Variants in COBL observed in about 807,000 individuals in gnomAD.
COBL encodes protein cordon-bleu.
In COBL, 51 loss-of-function variants were observed where a neutral mutation model predicts 98.8. The observed-to-expected ratio is 0.52, with a 90% CI of 0.41 to 0.65. The LOEUF (loss-of-function observed/expected upper bound fraction) is 0.65. COBL is among the 30% of genes least tolerant of loss of function. The pLI is 0.00. For missense variants in COBL, 1,617 were observed against 1,617.5 expected, an observed-to-expected ratio of 1.00 and a Z score of 0.01; for synonymous variants, 634 against 651.7, an observed-to-expected ratio of 0.97 and a Z score of 0.41.
chr7:51,279,083 G>C (rs921347231), intron 1 of COBL, among the ~76,000 whole-genome samples: 5 of 152,250 alleles, frequency 3.3e-5, no homozygotes, highest in Non-Finnish European at 7.3e-5. Context: ...TGCACTGACA[G>C]TGAATAATCC....
intron 6 of COBL, among the ~76,000 whole-genome samples, chr7:51,121,061 G>A (rs754047668): frequency 3.3e-5 from 5 of 152,120 alleles, no homozygotes; most frequent in Admixed American, 1.3e-4. Flanking sequence ...ATCCTATGGG[G>A]AATTCTATTT....
intron 1 of COBL, among the ~76,000 whole-genome samples, chr7:51,312,151 G>A (rs569282281): frequency 5.6e-4 from 85 of 151,406 alleles, no homozygotes; most frequent in African/African-American, 1.9e-3. Flanking sequence ...GTGAAACCTC[G>A]TCTCTATTAA....
chr7:51,082,322 T>C (rs1034542705), intron 7 of COBL, among the ~76,000 whole-genome samples: 1 of 152,112 alleles, frequency 6.6e-6, no homozygotes, highest in Non-Finnish European at 1.5e-5. Flanking sequence ...AGCTGAGACA[T>C]ACTGAAGCGG....
intron 2 of COBL, among the ~76,000 whole-genome samples, chr7:51,214,399 T>C (rs1792815341): frequency 2.0e-5 from 3 of 152,236 alleles, no homozygotes; most frequent in Admixed American, 2.0e-4. Flanking sequence ...CCAGTTACCC[T>C]GTCCAGATGG....
At chr7:51,094,667 A>T (rs1168401059) in intron 6 of COBL, among the ~76,000 whole-genome samples, 1 of 152,178 alleles carries the variant, frequency 6.6e-6, no homozygotes, top group Non-Finnish European at 1.5e-5. Flanking sequence ...ACATGAAAGC[A>T]TATGAATATA....
chr7:51,308,538 T>C (rs1318992756), intron 1 of COBL, among the ~76,000 whole-genome samples: 1 of 152,178 alleles, frequency 6.6e-6, no homozygotes, highest in Admixed American at 6.5e-5. Flanking sequence ...AGTTAATCCA[T>C]TTGGTATTTC....
chr7:51,189,143 C>T (rs1312753368), intron 4 of COBL, among the ~76,000 whole-genome samples: 3 of 152,116 alleles, frequency 2.0e-5, no homozygotes, highest in Admixed American at 2.0e-4. Flanking sequence ...ATGCATTATT[C>T]TCAAATGTCA....
At chr7:51,295,400 C>T (rs1801333233) in intron 1 of COBL, among the ~76,000 whole-genome samples, 1 of 151,408 alleles carries the variant, frequency 6.6e-6, no homozygotes, top group Admixed American at 6.6e-5. Context: ...GAAATTAGGG[C>T]AAAAAAATAA....
intron 6 of COBL, among the ~76,000 whole-genome samples, chr7:51,086,549 C>A (rs888152903): frequency 4.0e-5 from 6 of 151,742 alleles, no homozygotes; most frequent in African/African-American, 1.2e-4. Context: ...GACCTTGGTG[C>A]TCTCTGGTTT....
At chr7:51,034,122 C>A in intron 8 of COBL, 1 of 152,956 alleles carries the variant, frequency 6.5e-6, no homozygotes, top group Non-Finnish European at 1.5e-5. Context: ...ACTTGGCACT[C>A]TATAGAGGTT....
chr7:51,131,873 T>C (rs1380308359), intron 6 of COBL, among the ~76,000 whole-genome samples: 1 of 152,214 alleles, frequency 6.6e-6, no homozygotes, highest in Non-Finnish European at 1.5e-5. Flanking sequence ...ATTACAGGCA[T>C]GAGCCACCAT....
At chr7:51,259,234 C>T (rs929233163) in intron 1 of COBL, among the ~76,000 whole-genome samples, 3 of 150,644 alleles carry the variant, frequency 2.0e-5, no homozygotes, top group African/African-American at 7.4e-5. Flanking sequence ...TTGCAGTGAG[C>T]CGAGATCACA....
intron 1 of COBL, among the ~76,000 whole-genome samples, chr7:51,234,427 G>A (rs112656265): frequency 0.023 from 3,563 of 152,296 alleles, 138 homozygotes; most frequent in African/African-American, 0.081. Flanking sequence ...AAGGCCGAGC[G>A]CAGTGACTCA....
At chr7:51,316,471 T>G (rs1803607132) in intron 1 of COBL, 122 bp downstream of exon 1, 4 of 695,752 alleles carry the variant, frequency 5.7e-6, no homozygotes, top group Non-Finnish European at 1.9e-6. Context: ...GCTCCACCAC[T>G]ACCACCAGCA....
Position 51,249,807 on chromosome 7 carries a change from AG to A in COBL, c.42-29864del, listed in dbSNP as rs1265352819. Among the ~76,000 whole-genome samples, 3 of 152,208 alleles carry A rather than the reference AG, an allele frequency of 2.0e-5. No individual in the cohort carries two copies. The East Asian group carries it at 5.8e-4, about 29-fold the overall frequency. On this transcript the variant is annotated intron_variant, in intron 1 of 12. Transcript: ENST00000265136. ...CAGAGCTGGCTGTGAAAACTGAACCAGGAACTGGCTTGAAGAAGAACATTTT... is the reference window on the plus strand; with the variant it reads ...CAGAGCTGGCTGTGAAAACTGAACCAGAACTGGCTTGAAGAAGAACATTTT...
At chr7:51,248,366 A>C (rs1796444479) in intron 1 of COBL, among the ~76,000 whole-genome samples, 1 of 152,152 alleles carries the variant, frequency 6.6e-6, no homozygotes, top group East Asian at 1.9e-4. Flanking sequence ...GAACAGCAAA[A>C]TGTCCCGACC....
At chr7:51,095,058 T>C (rs1795151168) in intron 6 of COBL, among the ~76,000 whole-genome samples, 1 of 152,186 alleles carries the variant, frequency 6.6e-6, no homozygotes, top group South Asian at 2.1e-4. Flanking sequence ...GTTCTCATGC[T>C]GCTAATTAAT....
chr7:51,312,313 A>G (rs1405053868), intron 1 of COBL, among the ~76,000 whole-genome samples: 2 of 152,140 alleles, frequency 1.3e-5, no homozygotes, highest in Non-Finnish European at 2.9e-5. Context: ...CCTGGGTGAC[A>G]TGGTGAGATT....
At chr7:51,086,646 G>T (rs1794285110) in intron 6 of COBL, among the ~76,000 whole-genome samples, 1 of 152,010 alleles carries the variant, frequency 6.6e-6, no homozygotes, top group Non-Finnish European at 1.5e-5. Flanking sequence ...GAGAGAGAGA[G>T]AGTGTGTGTG....
Sources: gnomAD v4.1 joint callset for allele counts (sites outside exome capture counted in the v4.1 genomes callset) on GRCh38, gnomAD v4.1.1 for gene constraint, MANE v1.5 for transcripts, NCBI Gene and HGNC (gene_info 2026-07-23, HGNC 2026-07-21) for gene names.